Variants in YIPF4 observed in about 807,000 individuals in gnomAD.
The protein encoded by YIPF4 is protein YIPF4.
Under a neutral mutation model 29.4 loss-of-function variants are expected in YIPF4, and 18 were observed. That is an observed-to-expected ratio of 0.61 (90% confidence interval 0.42 to 0.91). The LOEUF (loss-of-function observed/expected upper bound fraction) is 0.91, where lower values mean the gene tolerates loss of function less well. Among genes scored for constraint, YIPF4 ranks in the 40% least tolerant of loss-of-function variants. The pLI is 0.00. For missense variants in YIPF4, 279 were observed against 282.7 expected, an observed-to-expected ratio of 0.99 and a Z score of 0.09; for synonymous variants, 115 against 104.7, an observed-to-expected ratio of 1.10 and a Z score of -0.60.
Position 32,278,091 on chromosome 2 carries a change from G to T in YIPF4, c.-65G>T. 1 of 1,430,702 alleles carries T rather than the reference G, an allele frequency of 7.0e-7. No homozygotes were observed. Among genetic ancestry groups the T allele is most frequent in the Non-Finnish European group, 9.4e-7 (1 of 1,066,564 alleles). The allele number at this position is 1,430,702 out of a possible 1,614,324, so 88.6% of individuals were successfully genotyped here. On this transcript the variant is annotated 5_prime_UTR_variant, in exon 1 of 6. Transcript: ENST00000238831. ...GGCGAGCGTGCGGGTCGCCGCCGCG[G>T]CCGCCTCGGGGTCTGGGCCCAGCCG...
intron 1 of YIPF4, among the ~76,000 whole-genome samples, chr2:32,283,058 C>CA (rs1391682371): frequency 1.2e-4 from 17 of 137,644 alleles, no homozygotes; most frequent in African/African-American, 4.7e-4. Flanking sequence ...GCCTGGGCGA[C>CA]AGAGTGAGAC....
intron 1 of YIPF4, among the ~76,000 whole-genome samples, chr2:32,286,670 C>T (rs928128204): frequency 2.6e-5 from 4 of 152,044 alleles, no homozygotes; most frequent in Non-Finnish European, 5.9e-5. Flanking sequence ...CTCAGCCTCC[C>T]GAGTAGCTGG....
intron 1 of YIPF4, among the ~76,000 whole-genome samples, chr2:32,281,579 AT>A (rs2030416002): frequency 1.3e-5 from 2 of 152,100 alleles, no homozygotes; most frequent in Admixed American, 6.6e-5. Context: ...GAGCTTTATT[AT>A]TCCTGTATTC....
At chr2:32,281,053 C>A (rs2030385545) in intron 1 of YIPF4, among the ~76,000 whole-genome samples, 2 of 152,046 alleles carry the variant, frequency 1.3e-5, no homozygotes, top group African/African-American at 4.8e-5. Flanking sequence ...CCCATTGATT[C>A]CACATACTAA....
intron 1 of YIPF4, among the ~76,000 whole-genome samples, chr2:32,286,639 G>C (rs762528822): frequency 2.0e-5 from 3 of 151,720 alleles, no homozygotes; most frequent in Admixed American, 1.3e-4. Context: ...TCCACCTCCC[G>C]GGCTCAAGTG....
intron 3 of YIPF4, among the ~76,000 whole-genome samples, chr2:32,294,556 G>T (rs956275508): frequency 8.6e-5 from 13 of 150,886 alleles, no homozygotes; most frequent in African/African-American, 3.2e-4. Flanking sequence ...GATGGCGGCC[G>T]GGCAGAGACG....
chr2:32,285,792 A>T lies in YIPF4; in HGVS notation c.80-4691A>T, dbSNP rs553416736. Among the ~76,000 whole-genome samples the T allele has an allele frequency of 1.1e-4, 17 of 151,772 alleles. No individual in the cohort carries two copies. The South Asian group carries it at 3.5e-3, about 32-fold the overall frequency. On this transcript the variant is annotated intron_variant, in intron 1 of 5. Transcript: ENST00000238831. ...TGCCTCAGCCTCCCAAGTAGCTGGG[A>T]TTACAGGTGCTCGCCACCGCACCCG...
intron 3 of YIPF4, among the ~76,000 whole-genome samples, chr2:32,293,362 C>A (rs1359932103): frequency 1.3e-5 from 2 of 152,188 alleles, no homozygotes; most frequent in African/African-American, 2.4e-5. Flanking sequence ...ACCCATTTAA[C>A]CCTGAGTGGA....
intron 5 of YIPF4, among the ~76,000 whole-genome samples, chr2:32,304,989 A>G (rs1558482555): frequency 6.6e-6 from 1 of 152,122 alleles, no homozygotes; most frequent in African/African-American, 2.4e-5. Flanking sequence ...GACTTAATAA[A>G]TATTGTATAA....
chr2:32,282,725 C>CCT, intron 1 of YIPF4, among the ~76,000 whole-genome samples: 1 of 152,092 alleles, frequency 6.6e-6, no homozygotes, highest in East Asian at 1.9e-4. Flanking sequence ...AGCCACTGTG[C>CCT]CCCGCCAACT....
chr2:32,300,130 G>T (rs547381000), intron 4 of YIPF4, among the ~76,000 whole-genome samples: 1 of 151,848 alleles, frequency 6.6e-6, no homozygotes, highest in East Asian at 1.9e-4. Flanking sequence ...GCTGGATGTG[G>T]TGGCACATGC....
intron 1 of YIPF4, among the ~76,000 whole-genome samples, chr2:32,286,086 T>G (rs2030658104): frequency 6.6e-6 from 1 of 152,216 alleles, no homozygotes; most frequent in South Asian, 2.1e-4. Context: ...CATTAATTAA[T>G]CTACTTATTT....
chr2:32,293,364 C>G (rs1467693951), intron 3 of YIPF4, among the ~76,000 whole-genome samples: 2 of 152,190 alleles, frequency 1.3e-5, no homozygotes, highest in Non-Finnish European at 2.9e-5. Context: ...CCATTTAACC[C>G]TGAGTGGACA....
intron 3 of YIPF4, among the ~76,000 whole-genome samples, chr2:32,295,049 A>AGAGGGGGAGGGG (rs1001644197): frequency 1.1e-5 from 1 of 87,822 alleles, no homozygotes; most frequent in Admixed American, 1.6e-4. Context: ...CATCAGAGGG[A>AGAGGGGGAGGGG]GAGGGGGAGG....
In YIPF4 at chr2:32,312,537, T is replaced by G. The variant is rs2031735318; in HGVS notation, c.*6911T>G. ...AAAAAAAATTATTTTCAAAGGATTG[T>G]GCTAGTGGTGGCCTGAATAATAAAA... On this transcript the variant is annotated 3_prime_UTR_variant, in exon 6 of 6. Transcript: ENST00000238831. 7.1e-6 allele frequency: 1 copy of G among 141,346 alleles called. No individual in the cohort carries two copies. The highest frequency in any genetic ancestry group is 7.2e-5 in the Admixed American group (1 of 13,822). 8.8% of individuals were successfully genotyped at this position (141,346 alleles called of 1,614,324 possible). A position where few individuals can be genotyped will look rare whatever the true frequency, so the allele number is the denominator to read the frequency against.
intron 1 of YIPF4, among the ~76,000 whole-genome samples, chr2:32,286,109 A>C (rs2030658829): frequency 6.6e-6 from 1 of 152,186 alleles, no homozygotes; most frequent in East Asian, 1.9e-4. Flanking sequence ...ATGAGTTTTA[A>C]AACTCATAAG....
Position 32,311,194 on chromosome 2 carries a change from T to C in YIPF4, c.*5568T>C, listed in dbSNP as rs1179506345. On this transcript the variant is annotated 3_prime_UTR_variant, in exon 6 of 6. Coordinates refer to ENST00000238831, the MANE Select transcript of YIPF4 (RefSeq NM_032312.4). ...AAAAAATACATTCTGAAGAAAGTTC[T>C]ACTTATGAATACATTTTATTTATAA... 1 of 152,196 alleles carries C rather than the reference T, an allele frequency of 6.6e-6. No homozygotes were observed. Among genetic ancestry groups the C allele is most frequent in the East Asian group, 1.9e-4 (1 of 5,200 alleles). 9.4% of individuals were successfully genotyped at this position (152,196 alleles called of 1,614,324 possible).
intron 3 of YIPF4, among the ~76,000 whole-genome samples, chr2:32,292,776 A>T: frequency 6.6e-6 from 1 of 151,706 alleles, no homozygotes; most frequent in Admixed American, 6.6e-5. Context: ...AGGCAGGAGA[A>T]TCACTTGAAC....
rs1360488887 is a variant in YIPF4, at chr2:32,314,796, T to G, written c.*9170T>G. ...ACATTGGCTGTTATTATATTAGCTA[T>G]TAAAAATTTAAGTCATTTAGGTCAA... On this transcript the variant is annotated 3_prime_UTR_variant, in exon 6 of 6. Coordinates refer to ENST00000238831, the MANE Select transcript of YIPF4 (RefSeq NM_032312.4). The G allele has an allele frequency of 6.6e-6, 1 of 152,226 alleles. No homozygotes were observed. Among genetic ancestry groups the G allele is most frequent in the Non-Finnish European group, 1.5e-5 (1 of 68,044 alleles). 9.4% of individuals were successfully genotyped at this position (152,226 alleles called of 1,614,324 possible).
Sources: allele counts gnomAD v4.1 joint callset (sites outside exome capture counted in the v4.1 genomes callset), GRCh38; gene constraint gnomAD v4.1.1; transcripts MANE v1.5; gene names NCBI Gene and HGNC (gene_info 2026-07-23, HGNC 2026-07-21).